TENM3: variants seen among roughly 807,000 people sequenced by gnomAD.
TENM3 encodes the protein teneurin-3.
TENM3 carries 63 observed loss-of-function variants against 255.1 expected under a neutral mutation model. The observed-to-expected ratio is 0.25, with a 90% CI of 0.20 to 0.30. The LOEUF (loss-of-function observed/expected upper bound fraction) is 0.30. Ranked by LOEUF, TENM3 falls within the 10% of genes least tolerant of loss-of-function variation. The probability of loss-of-function intolerance (pLI) is 1.00; values close to 1 mark genes in which losing one functional copy is unlikely to be tolerated. For missense variants in TENM3, 2,929 were observed against 3,461.1 expected, an observed-to-expected ratio of 0.85 and a Z score of 3.86; for synonymous variants, 1,306 against 1,322.3, an observed-to-expected ratio of 0.99 and a Z score of 0.27.
chr4:182,449,445 C>G (rs2151308180), intron 3 of TENM3, among the ~76,000 whole-genome samples: 1 of 119,472 alleles, frequency 8.4e-6, no homozygotes, highest in Admixed American at 9.5e-5. Context: ...GTCTTTTGTT[C>G]CCGGTATTTT....
chr4:181,460,956 A>T, the TENM3 span, among the ~76,000 whole-genome samples: 1 of 151,962 alleles, frequency 6.6e-6, no homozygotes, highest in African/African-American at 2.4e-5. Context: ...ATTACATAGA[A>T]TATCTATGTT....
intron 1 of TENM3, among the ~76,000 whole-genome samples, chr4:182,156,674 G>T (rs1472817036): frequency 6.6e-6 from 1 of 151,282 alleles, no homozygotes; most frequent in South Asian, 2.1e-4. Flanking sequence ...TTAATTTGAT[G>T]TAGCAAATTT....
chr4:182,724,176 A>G (rs1363381480), intron 13 of TENM3, among the ~76,000 whole-genome samples: 2 of 152,204 alleles, frequency 1.3e-5, no homozygotes, highest in Non-Finnish European at 2.9e-5. Flanking sequence ...GTAGATTTTT[A>G]TGATTAATGC....
chr4:182,656,811 TTTAAG>T (rs1753793442), intron 6 of TENM3, among the ~76,000 whole-genome samples: 1 of 152,210 alleles, frequency 6.6e-6, no homozygotes, highest in South Asian at 2.1e-4. Context: ...CCTGCTTGCA[TTTAAG>T]TTAACAGTGA....
chr4:182,241,518 CT>C (rs982739950), upstream of TENM3, among the ~76,000 whole-genome samples: 345 of 114,250 alleles, frequency 3.0e-3, no homozygotes, highest in East Asian at 3.9e-3. Context: ...TTTTTTCTTT[CT>C]TTTTTTTTTT....
the TENM3 span, among the ~76,000 whole-genome samples, chr4:181,726,810 C>T: frequency 6.6e-6 from 1 of 152,214 alleles, no homozygotes; most frequent in Non-Finnish European, 1.5e-5. Context: ...CTGATGACAA[C>T]AGCAAGCCCC....
chr4:182,747,167 T>A (rs1165131051), intron 19 of TENM3, among the ~76,000 whole-genome samples: 1 of 152,166 alleles, frequency 6.6e-6, no homozygotes, highest in Non-Finnish European at 1.5e-5. Context: ...ACAAAAGGAA[T>A]GGTATTGCCA....
At chr4:181,923,277 T>C in the TENM3 span, among the ~76,000 whole-genome samples, 3 of 151,866 alleles carry the variant, frequency 2.0e-5, no homozygotes, top group African/African-American at 7.3e-5. Context: ...TTAAACCAAA[T>C]AAAAGAGATG....
At chr4:181,567,027 C>T in the TENM3 span, among the ~76,000 whole-genome samples, 1 of 152,124 alleles carries the variant, frequency 6.6e-6, no homozygotes, top group East Asian at 1.9e-4. Flanking sequence ...TCATTCCACC[C>T]TCTTAAAGAA....
chr4:182,149,559 GTAATAA>G (rs375778213), intron 1 of TENM3, among the ~76,000 whole-genome samples: 13 of 151,644 alleles, frequency 8.6e-5, no homozygotes, highest in Admixed American at 6.6e-5. Context: ...ACCATATCAT[GTAATAA>G]TAATAATAAT....
At chr4:182,524,604 T>C (rs1368915106) in intron 3 of TENM3, among the ~76,000 whole-genome samples, 2 of 151,776 alleles carry the variant, frequency 1.3e-5, no homozygotes, top group African/African-American at 4.8e-5. Flanking sequence ...CAAGTGATCC[T>C]CCTGTCTCGG....
At chr4:182,274,845 A>T (rs1759886851) in intron 1 of TENM3, among the ~76,000 whole-genome samples, 2 of 152,040 alleles carry the variant, frequency 1.3e-5, no homozygotes, top group Admixed American at 1.3e-4. Flanking sequence ...TTATTTTGAG[A>T]TGGAGTCTTG....
At chr4:181,861,554 T>G in the TENM3 span, among the ~76,000 whole-genome samples, 1 of 152,208 alleles carries the variant, frequency 6.6e-6, no homozygotes, top group African/African-American at 2.4e-5. Flanking sequence ...AAGTTTTTTC[T>G]CTTTTTCTGG....
At chr4:181,576,370 C>A in the TENM3 span, among the ~76,000 whole-genome samples, 1 of 152,266 alleles carries the variant, frequency 6.6e-6, no homozygotes, top group Non-Finnish European at 1.5e-5. Context: ...AGGTTGATTC[C>A]ATTTCTTTGC....
the TENM3 span, among the ~76,000 whole-genome samples, chr4:181,634,411 A>T: frequency 8.2e-6 from 1 of 122,004 alleles, no homozygotes. Flanking sequence ...TTTGCAAGAG[A>T]CTTTATTTCC....
intron 3 of TENM3, among the ~76,000 whole-genome samples, chr4:182,588,034 GTA>G (rs1311711192): frequency 6.6e-6 from 1 of 151,980 alleles, no homozygotes; most frequent in African/African-American, 2.4e-5. Flanking sequence ...TGTTTTATAT[GTA>G]TAACTTAAGA....
chr4:182,720,974 G>A (rs543561726), intron 13 of TENM3, among the ~76,000 whole-genome samples: 7 of 151,966 alleles, frequency 4.6e-5, no homozygotes, highest in Admixed American at 3.3e-4. Context: ...CACCACATTG[G>A]CCAAGCTAGC....
intron 3 of TENM3, among the ~76,000 whole-genome samples, chr4:182,414,916 T>A (rs1369787884): frequency 3.9e-5 from 6 of 152,206 alleles, no homozygotes; most frequent in Non-Finnish European, 7.3e-5. Flanking sequence ...ATTTTGAATC[T>A]TCTATGACTG....
intron 1 of TENM3, among the ~76,000 whole-genome samples, chr4:182,299,604 A>T (rs1316478967): frequency 6.6e-6 from 1 of 152,170 alleles, no homozygotes; most frequent in African/African-American, 2.4e-5. Flanking sequence ...GAAATCTCTA[A>T]ATTACAGATC....
Sources: allele counts gnomAD v4.1 joint callset (sites outside exome capture counted in the v4.1 genomes callset), GRCh38; gene constraint gnomAD v4.1.1; transcripts MANE v1.5; gene names NCBI Gene and HGNC (gene_info 2026-07-23, HGNC 2026-07-21).